DPP10: variants seen among roughly 807,000 people sequenced by gnomAD.
DPP10 encodes the protein dipeptidyl peptidase like 10.
A neutral mutation model predicts 120.9 loss-of-function variants in DPP10; 33 were observed. The ratio of observed to expected loss-of-function variants is 0.27; its 90% confidence interval spans 0.21 to 0.37. The LOEUF is 0.37. Ranked by LOEUF, DPP10 falls within the 10% of genes least tolerant of loss-of-function variation. DPP10 has a pLI of 1.00. For missense variants in DPP10, 816 were observed against 942.8 expected, an observed-to-expected ratio of 0.87 and a Z score of 1.76; for synonymous variants, 337 against 326.1, an observed-to-expected ratio of 1.03 and a Z score of -0.36.
intron 1 of DPP10, among the ~76,000 whole-genome samples, chr2:114,879,581 T>G (rs1384362002): frequency 6.6e-6 from 1 of 152,144 alleles, no homozygotes; most frequent in Non-Finnish European, 1.5e-5. Flanking sequence ...ATGGGAAAGC[T>G]GCAATTGTAA....
intron 1 of DPP10, among the ~76,000 whole-genome samples, chr2:114,784,147 A>G (rs1216809324): frequency 6.6e-6 from 1 of 152,116 alleles, no homozygotes; most frequent in African/African-American, 2.4e-5. Flanking sequence ...CAGAAGTCCC[A>G]TTGGGATCAA....
chr2:114,535,101 A>AT (rs34002976), intron 1 of DPP10, among the ~76,000 whole-genome samples: 1 of 151,542 alleles, frequency 6.6e-6, no homozygotes, highest in African/African-American at 2.4e-5. Flanking sequence ...ACAAAAAAAA[A>AT]CATTGTTTAT....
intron 1 of DPP10, among the ~76,000 whole-genome samples, chr2:114,497,158 G>T (rs540078333): frequency 7.0e-6 from 1 of 142,792 alleles, no homozygotes; most frequent in South Asian, 2.1e-4. Context: ...TATACATGTA[G>T]GTGTACACGT....
intron 1 of DPP10, among the ~76,000 whole-genome samples, chr2:114,885,990 G>A (rs897703641): frequency 3.9e-5 from 6 of 152,050 alleles, no homozygotes; most frequent in South Asian, 2.1e-4. Context: ...TAAACTCACC[G>A]TTCAATAAGG....
At chr2:115,612,040 T>G (rs2084140401) in intron 5 of DPP10, among the ~76,000 whole-genome samples, 1 of 152,152 alleles carries the variant, frequency 6.6e-6, no homozygotes, top group Admixed American at 6.5e-5. Flanking sequence ...TCTAGGTATG[T>G]GAGATATATT....
At chr2:115,535,904 G>T (rs932146647) in intron 5 of DPP10, among the ~76,000 whole-genome samples, 8 of 151,742 alleles carry the variant, frequency 5.3e-5, no homozygotes, top group Admixed American at 5.3e-4. Context: ...TCATGATTTG[G>T]TTCTCTGTTT....
intron 1 of DPP10, among the ~76,000 whole-genome samples, chr2:114,706,152 C>A (rs10181433): frequency 7.2e-4 from 110 of 152,268 alleles, no homozygotes; most frequent in African/African-American, 2.6e-3. Flanking sequence ...AGCTGCCTGG[C>A]CATATCTTTT....
intron 1 of DPP10, among the ~76,000 whole-genome samples, chr2:115,267,878 T>C (rs2059526771): frequency 6.6e-6 from 1 of 152,196 alleles, no homozygotes; most frequent in Non-Finnish European, 1.5e-5. Context: ...TTAATGGTAA[T>C]TTATGTGTGT....
chr2:114,899,917 A>C (rs1262992721), intron 1 of DPP10, among the ~76,000 whole-genome samples: 1 of 152,214 alleles, frequency 6.6e-6, no homozygotes, highest in African/African-American at 2.4e-5. Context: ...CCAAGATCGC[A>C]CCACTGCACT....
At chr2:115,467,283 CA>C (rs1312220077) in intron 3 of DPP10, among the ~76,000 whole-genome samples, 1 of 152,036 alleles carries the variant, frequency 6.6e-6, no homozygotes, top group Non-Finnish European at 1.5e-5. Context: ...AGACACTGGC[CA>C]GGGGCAGTGG....
chr2:114,895,226 G>T (rs867578485), intron 1 of DPP10, among the ~76,000 whole-genome samples: 1 of 152,102 alleles, frequency 6.6e-6, no homozygotes, highest in Non-Finnish European at 1.5e-5. Context: ...ATAAAACGAC[G>T]TGTGGATACA....
intron 1 of DPP10, among the ~76,000 whole-genome samples, chr2:114,866,822 C>G (rs1346759332): frequency 6.6e-6 from 1 of 152,174 alleles, no homozygotes; most frequent in Non-Finnish European, 1.5e-5. Context: ...TCCAAGACCT[C>G]TTTGGTTGTT....
At chr2:115,446,343 G>A (rs2072585419) in intron 3 of DPP10, among the ~76,000 whole-genome samples, 1 of 152,196 alleles carries the variant, frequency 6.6e-6, no homozygotes, top group Admixed American at 6.5e-5. Context: ...CCCACACACA[G>A]AGTCCCCACT....
At chr2:115,019,747 C>G (rs1702933179) in intron 1 of DPP10, among the ~76,000 whole-genome samples, 1 of 152,166 alleles carries the variant, frequency 6.6e-6, no homozygotes, top group Non-Finnish European at 1.5e-5. Context: ...AAGGAAGAAT[C>G]TTAAGAGCTA....
intron 3 of DPP10, among the ~76,000 whole-genome samples, chr2:115,436,524 T>A (rs1419749508): frequency 6.6e-6 from 1 of 151,824 alleles, no homozygotes; most frequent in African/African-American, 2.4e-5. Flanking sequence ...ACTTAGAAAG[T>A]ACCTGATTTT....
At chr2:114,852,438 C>A (rs538909834) in intron 1 of DPP10, among the ~76,000 whole-genome samples, 1 of 151,948 alleles carries the variant, frequency 6.6e-6, no homozygotes, top group South Asian at 2.1e-4. Context: ...CATATAGAGA[C>A]TTTTTTCTTG....
At chr2:114,777,329 A>G (rs966988828) in intron 1 of DPP10, among the ~76,000 whole-genome samples, 1 of 152,164 alleles carries the variant, frequency 6.6e-6, no homozygotes, top group Non-Finnish European at 1.5e-5. Flanking sequence ...TGAACTGCCC[A>G]TGGATTTTGC....
chr2:115,736,429 A>G (rs1463791193), intron 8 of DPP10, among the ~76,000 whole-genome samples: 1 of 152,152 alleles, frequency 6.6e-6, no homozygotes. Context: ...ATTAGTAAAT[A>G]CCACCACTGA....
At chr2:115,305,774 T>A (rs2061336637) in intron 1 of DPP10, among the ~76,000 whole-genome samples, 1 of 151,736 alleles carries the variant, frequency 6.6e-6, no homozygotes. Context: ...AAAATAAAAT[T>A]TTCTAAGATG....
Sources: allele counts gnomAD v4.1 joint callset (sites outside exome capture counted in the v4.1 genomes callset), GRCh38; gene constraint gnomAD v4.1.1; transcripts MANE v1.5; gene names NCBI Gene and HGNC (gene_info 2026-07-23, HGNC 2026-07-21).